HECTD4: variants seen among roughly 807,000 people sequenced by gnomAD.
The protein encoded by HECTD4 is probable E3 ubiquitin-protein ligase HECTD4.
A neutral mutation model predicts 471.5 loss-of-function variants in HECTD4; 114 were observed. That is an observed-to-expected ratio of 0.24 (90% CI 0.21 to 0.28). The LOEUF is 0.28. Ranked by LOEUF, HECTD4 falls within the 10% of genes least tolerant of loss-of-function variation. The pLI, the probability that HECTD4 is intolerant of heterozygous loss-of-function variation, is 1.00. For missense variants in HECTD4, 3,866 were observed against 5,651.5 expected, an observed-to-expected ratio of 0.68 and a Z score of 10.13; for synonymous variants, 2,012 against 2,256.0, an observed-to-expected ratio of 0.89 and a Z score of 3.07.
intron 32 of HECTD4, among the ~76,000 whole-genome samples, 152 bp from the exon 33 acceptor site, chr12:112,240,179 T>C (rs1359938443): frequency 3.3e-5 from 5 of 152,312 alleles, no homozygotes; most frequent in Admixed American, 1.3e-4. Flanking sequence ...TCCTAGACTA[T>C]GCAAGACTGC....
intron 72 of HECTD4, among the ~76,000 whole-genome samples, chr12:112,165,909 G>A (rs1402594876): frequency 2.0e-5 from 3 of 152,168 alleles, no homozygotes; most frequent in African/African-American, 7.2e-5. Context: ...ATGGACATTC[G>A]GGTCTAAGCC....
In HECTD4 at chr12:112,200,682, G is replaced by A. The variant is rs61739678; in HGVS notation, c.8523C>T (p.Thr2841=). Residue 2841 remains threonine, a synonymous_variant, in exon 55 of 76, where the codon ACC becomes ACT. Coordinates refer to ENST00000682272, the MANE Select transcript of HECTD4 (RefSeq NM_001388303.1). ...RPPAGYRRTA[T]NGLVTLDNTN... ...TATTGTCCAGTGTGACCAGCCCATT[G>A]GTGGCAGTCCTTCGGTAGCCTGCTG... 3 of 1,613,928 alleles carry A rather than the reference G, an allele frequency of 1.9e-6. No homozygotes were observed. Among genetic ancestry groups the A allele is most frequent in the African/African-American group, 1.3e-5 (1 of 75,018 alleles).
intron 66 of HECTD4, among the ~76,000 whole-genome samples, chr12:112,175,261 A>G (rs1339252835): frequency 1.3e-5 from 2 of 152,226 alleles, no homozygotes; most frequent in Admixed American, 6.5e-5. Context: ...AGAGGTCATC[A>G]GCGTGGGCTC....
In HECTD4 at chr12:112,184,482, C is replaced by A. The variant is rs753421097; in HGVS notation, c.10484G>T (p.Cys3495Phe). 3.1e-6 allele frequency: 5 copies of A among 1,607,088 alleles called. No individual in the cohort carries two copies. In the African/African-American group the frequency reaches 5.3e-5, roughly 17 times the overall value. Residue 3495 changes from cysteine to phenylalanine, a missense_variant, in exon 61 of 76, where the codon TGC (cysteine) becomes TTC (phenylalanine). Transcript: ENST00000682272. The surrounding 1 kb of genome is among the most constrained non-coding windows in gnomAD (Gnocchi z 9.1). The part of the protein sequence containing the change: ...ASASTSQASI[C>F]SSQGISQTVS... ...GGTTTGGGAGATGCCCTGCGAGCTG[C>A]AGATGGAGGCCTGGCTGGTGGAGGC...
chr12:112,216,441 G>T, intron 47 of HECTD4, 70 bp from the exon 48 acceptor site: 2 of 1,078,714 alleles, frequency 1.9e-6, no homozygotes, highest in Non-Finnish European at 2.8e-6. Context: ...ACACAAACAG[G>T]GAAGTGGTGA....
At chr12:112,245,304 A>G (rs1016168109) in intron 29 of HECTD4, among the ~76,000 whole-genome samples, 3 of 152,210 alleles carry the variant, frequency 2.0e-5, no homozygotes, top group Non-Finnish European at 4.4e-5. Context: ...TGCCCAGCTG[A>G]GAAAACCATT....
rs567311373 is a variant in HECTD4 at position 112,219,488 on chromosome 12, T to C, written c.6972A>G (p.Gly2324=). 1 of 1,610,630 alleles carries C rather than the reference T, an allele frequency of 6.2e-7. No homozygotes were observed. Among genetic ancestry groups the C allele is most frequent in the Middle Eastern group, 1.7e-4 (1 of 6,052 alleles). The change falls in exon 45 of 76, where the codon GGA becomes GGG. Residue 2324 remains glycine, a splice_region_variant and synonymous_variant. Coordinates refer to ENST00000682272, the MANE Select transcript of HECTD4 (RefSeq NM_001388303.1). The stretch of plus-strand genomic sequence containing the variant: ...GTACCTCCACAACTGCAAGTCGCTC[T>C]CCTGTAGAGGGCACATGTTGAATCT... The part of the protein sequence containing the change: ...LNLVAQECSA[G]ERLAVVEVQC...
At chr12:112,185,930 C>T (rs1388707515) in intron 60 of HECTD4, among the ~76,000 whole-genome samples, 1 of 152,234 alleles carries the variant, frequency 6.6e-6, no homozygotes, top group Non-Finnish European at 1.5e-5. Flanking sequence ...TTAAACTCCT[C>T]TTTTAGTCCT....
Position 112,250,219 on chromosome 12 carries a change from C to T in HECTD4, c.3875G>A (p.Arg1292Lys). 1 of 1,613,976 alleles carries T rather than the reference C, an allele frequency of 6.2e-7. No individual in the cohort carries two copies. The highest frequency in any genetic ancestry group is 1.1e-5 in the South Asian group (1 of 91,082). Residue 1292 changes from arginine (R) to lysine (K), a missense_variant, in exon 25 of 76, where the codon AGA becomes AAA. Coordinates refer to ENST00000682272, the MANE Select transcript of HECTD4 (RefSeq NM_001388303.1). ...CTTTATCATGATTCCTGGAGGCAGT[C>T]TGATCCGAGGCAGATCAAAGTAGTT... The part of the protein sequence containing the change: ...VGNYFDLPRI[R>K]LPPGIMIKLR...
intron 13 of HECTD4, 84 bp downstream of exon 13, chr12:112,269,620 T>C: frequency 3.5e-6 from 5 of 1,445,374 alleles, no homozygotes; most frequent in Non-Finnish European, 4.8e-6. Flanking sequence ...GAGGCATTTA[T>C]ACTACCAGCT....
At chr12:112,286,471 C>T (rs1420792014) in intron 7 of HECTD4, among the ~76,000 whole-genome samples, 3 of 152,090 alleles carry the variant, frequency 2.0e-5, no homozygotes, top group Admixed American at 1.3e-4. Context: ...CCCAGGAGTT[C>T]GAGACCAGCC....
Position 112,185,343 on chromosome 12 carries a change from C to A in HECTD4, c.9623G>T (p.Cys3208Phe). The A allele has an allele frequency of 1.3e-6, 2 of 1,599,020 alleles. No individual in the cohort carries two copies. The highest frequency in any genetic ancestry group is 1.1e-5 in the South Asian group (1 of 88,846). The change falls in exon 61 of 76, where the codon TGC becomes TTC. Residue 3208 changes from cysteine to phenylalanine, a missense_variant. This residue lies in a region of HECTD4 where 364 missense variants were observed against 413.2 expected (regional missense o/e 0.88). Transcript: ENST00000682272. The part of the protein sequence containing the change: ...SSSIALQLNP[C>F]LAMLMALQSE... ...CTGCAAGGCCATCAGCATGGCCAGG[C>A]AGGGGTTCAGCTGGAGGGCGATTGA...
intron 1 of HECTD4, among the ~76,000 whole-genome samples, chr12:112,380,702 A>G (rs1032529156): frequency 2.0e-5 from 3 of 152,164 alleles, no homozygotes; most frequent in African/African-American, 7.2e-5. Flanking sequence ...AAATAAGTCA[A>G]TTAAGAGTTC....
chr12:112,300,117 C>T (rs923786172), intron 7 of HECTD4, among the ~76,000 whole-genome samples: 9 of 152,132 alleles, frequency 5.9e-5, no homozygotes, highest in African/African-American at 1.2e-4. Context: ...GAGTTTGAGA[C>T]GAGGCTGGCC....
chr12:112,302,401 T>C, intron 7 of HECTD4: 1 of 755,306 alleles, frequency 1.3e-6, no homozygotes, highest in Non-Finnish European at 2.4e-6. Context: ...GAGTAACTGT[T>C]TGGCAGTTCA....
chr12:112,243,965 T>C lies in HECTD4; in HGVS notation c.4558A>G (p.Arg1520Gly). 1 of 1,613,988 alleles carries C rather than the reference T, an allele frequency of 6.2e-7. No individual in the cohort carries two copies. The highest frequency in any genetic ancestry group is 8.5e-7 in the Non-Finnish European group (1 of 1,179,852). ...ATGCTGCGAAGAAAAACAGGCTGCC[T>C]GACAGCGTGAGATATCACTTTTGTT... ...SETKVISHAV[R>G]QPVFLRSMSA... Residue 1520 changes from arginine to glycine, a missense_variant, in exon 30 of 76, where the codon AGG becomes GGG. Arg to Gly is a moderately radical substitution (Grantham distance 125). Transcript: ENST00000682272. The surrounding 1 kb of genome is among the most constrained non-coding windows in gnomAD (Gnocchi z 6.6).
At chr12:112,361,003 T>C (rs985610218) in intron 1 of HECTD4, among the ~76,000 whole-genome samples, 3 of 146,258 alleles carry the variant, frequency 2.1e-5, no homozygotes, top group Non-Finnish European at 3.0e-5. Flanking sequence ...AAAAAAAAGG[T>C]AAGATCAAAA....
intron 1 of HECTD4, among the ~76,000 whole-genome samples, chr12:112,367,770 A>G (rs1416081597): frequency 6.8e-6 from 1 of 146,472 alleles, no homozygotes. Flanking sequence ...GCAGTGAGCC[A>G]AGATCTTGCC....
intron 1 of HECTD4, among the ~76,000 whole-genome samples, chr12:112,324,034 CTTCCTTCCTTCCTTTCTTTCTTTCT>C (rs2035672816): frequency 2.2e-5 from 1 of 45,418 alleles, no homozygotes; most frequent in Non-Finnish European, 3.3e-5. Flanking sequence ...TCCTTCCTTC[CTTCCTTCCTTCCTTTCTTTCTTTCT>C]TTCTTTCTTT....
Sources: allele counts gnomAD v4.1 joint callset (sites outside exome capture counted in the v4.1 genomes callset), GRCh38; gene constraint gnomAD v4.1.1; regional missense constraint gnomAD v4.1.1; non-coding constraint Gnocchi (gnomAD v3.1); transcripts MANE v1.5; gene names NCBI Gene and HGNC (gene_info 2026-07-23, HGNC 2026-07-21).